Variants in CNOT2 observed in about 807,000 individuals in gnomAD.
The protein encoded by CNOT2 is CCR4-NOT transcription complex subunit 2, also known as CC chemokine receptor 4-negative regulator of transcription 2.
CNOT2 carries 7 observed loss-of-function variants against 72.1 expected under a neutral mutation model. The observed-to-expected ratio is 0.10, with a 90% CI of 0.06 to 0.18. The LOEUF is 0.18. Among genes scored for constraint, CNOT2 ranks in the 10% least tolerant of loss-of-function variants. CNOT2 has a pLI of 1.00. For missense variants in CNOT2, 345 were observed against 660.3 expected, an observed-to-expected ratio of 0.52 and a Z score of 5.23; for synonymous variants, 196 against 225.6, an observed-to-expected ratio of 0.87 and a Z score of 1.17.
At chr12:70,288,300 T>C (rs1168783308) in intron 2 of CNOT2, among the ~76,000 whole-genome samples, 1 of 151,796 alleles carries the variant, frequency 6.6e-6, no homozygotes, top group Non-Finnish European at 1.5e-5. Context: ...CCTGCCACCA[T>C]GTTCAGCTAA....
chr12:70,283,684 C>T (rs1394741904), intron 2 of CNOT2, among the ~76,000 whole-genome samples: 1 of 149,022 alleles, frequency 6.7e-6, no homozygotes, highest in Non-Finnish European at 1.5e-5. Context: ...AAGCCTGAAT[C>T]CAATGAATTG....
intron 15 of CNOT2, chr12:70,348,157 G>C (rs1882436136): frequency 6.6e-6 from 1 of 152,158 alleles, no homozygotes; most frequent in Admixed American, 6.5e-5. Flanking sequence ...TTTGATACAT[G>C]GTGGTGGTTG....
intron 7 of CNOT2, among the ~76,000 whole-genome samples, chr12:70,333,817 C>T (rs1359904273): frequency 6.6e-6 from 1 of 151,834 alleles, no homozygotes; most frequent in Admixed American, 6.6e-5. Flanking sequence ...ATACTGTATT[C>T]CATTCTTTCT....
At chr12:70,335,663 C>T in intron 8 of CNOT2, 100 bp downstream of exon 8, 2 of 810,760 alleles carry the variant, frequency 2.5e-6, no homozygotes, top group South Asian at 2.0e-5. Flanking sequence ...TGTGTGTACA[C>T]ATGTATGTTT....
intron 1 of CNOT2, among the ~76,000 whole-genome samples, chr12:70,274,357 G>A (rs1216664001): frequency 6.6e-6 from 1 of 151,954 alleles, no homozygotes. Context: ...GTTTTATTGA[G>A]CTCCAGTGAA....
chr12:70,268,991 C>A (rs569796614), intron 1 of CNOT2, among the ~76,000 whole-genome samples: 1 of 152,226 alleles, frequency 6.6e-6, no homozygotes, highest in African/African-American at 2.4e-5. Flanking sequence ...ACATCTCACC[C>A]ATCATTTTCT....
At chr12:70,309,994 C>G (rs1876173100) in intron 2 of CNOT2, among the ~76,000 whole-genome samples, 1 of 151,968 alleles carries the variant, frequency 6.6e-6, no homozygotes. Flanking sequence ...TGAACATGTA[C>G]AGACTGTTTT....
intron 14 of CNOT2, 177 bp from the exon 15 acceptor site, chr12:70,346,003 T>G: frequency 2.0e-6 from 1 of 506,538 alleles, no homozygotes; most frequent in Non-Finnish European, 3.4e-6. Flanking sequence ...AGAAATATTT[T>G]TTCTATATTT....
chr12:70,332,476 G>T, intron 6 of CNOT2: 1 of 231,782 alleles, frequency 4.3e-6, no homozygotes, highest in Middle Eastern at 1.5e-3. Flanking sequence ...GGCTCTTCAA[G>T]TACACAAAAT....
intron 1 of CNOT2, among the ~76,000 whole-genome samples, chr12:70,266,830 G>A (rs12314830): frequency 0.014 from 2,052 of 151,822 alleles, 44 homozygotes; most frequent in African/African-American, 0.046. Context: ...CCTGTAGACA[G>A]CATATAGTCT....
At chr12:70,304,981 G>A (rs1046070417) in intron 2 of CNOT2, among the ~76,000 whole-genome samples, 4 of 152,220 alleles carry the variant, frequency 2.6e-5, no homozygotes, top group African/African-American at 9.6e-5. Flanking sequence ...GCCAGGTGCG[G>A]GATATAATCT....
chr12:70,332,043 A>G (rs1420329869), intron 6 of CNOT2, among the ~76,000 whole-genome samples: 1 of 151,564 alleles, frequency 6.6e-6, no homozygotes, highest in Non-Finnish European at 1.5e-5. Flanking sequence ...TTTACGAAAT[A>G]CCAGTTGTGT....
intron 13 of CNOT2, among the ~76,000 whole-genome samples, chr12:70,343,517 G>A (rs184440294): frequency 1.3e-5 from 2 of 152,224 alleles, no homozygotes; most frequent in Non-Finnish European, 2.9e-5. Flanking sequence ...TATGATTTTT[G>A]TATTCATCAT....
intron 2 of CNOT2, among the ~76,000 whole-genome samples, chr12:70,281,615 T>A (rs1565762403): frequency 6.6e-6 from 1 of 152,234 alleles, no homozygotes. Context: ...TCACCTTTGT[T>A]CACATGATTC....
At chr12:70,296,941 T>C (rs1872912219) in intron 2 of CNOT2, among the ~76,000 whole-genome samples, 2 of 152,192 alleles carry the variant, frequency 1.3e-5, no homozygotes, top group Non-Finnish European at 2.9e-5. Context: ...AATATTCTAC[T>C]TCCATAGAAT....
chr12:70,329,639 T>C, intron 5 of CNOT2, 69 bp downstream of exon 5: 3 of 1,097,094 alleles, frequency 2.7e-6, no homozygotes, highest in South Asian at 1.3e-5. Context: ...TTTAGTTTTT[T>C]AATAAGGTAA....
intron 8 of CNOT2, 100 bp downstream of exon 8, chr12:70,335,663 CAT>C: frequency 6.2e-6 from 5 of 810,760 alleles, no homozygotes; most frequent in Non-Finnish European, 5.8e-6. Context: ...TGTGTGTACA[CAT>C]GTATGTTTGC....
intron 2 of CNOT2, among the ~76,000 whole-genome samples, chr12:70,298,330 T>C (rs913990998): frequency 6.6e-6 from 1 of 152,144 alleles, no homozygotes; most frequent in African/African-American, 2.4e-5. Flanking sequence ...CCTTTACAAA[T>C]TCAAGAACAA....
At chr12:70,328,561 G>A (rs771663043) in intron 4 of CNOT2, among the ~76,000 whole-genome samples, 2 of 151,642 alleles carry the variant, frequency 1.3e-5, no homozygotes, top group African/African-American at 2.4e-5. Flanking sequence ...AAAAATAAAC[G>A]TATGCTGTCT....
Sources: gnomAD v4.1 joint callset for allele counts (sites outside exome capture counted in the v4.1 genomes callset) on GRCh38, gnomAD v4.1.1 for gene constraint, MANE v1.5 for transcripts, NCBI Gene and HGNC (gene_info 2026-07-23, HGNC 2026-07-21) for gene names.